The following LRPPRC variants were observed in gnomAD, a reference collection of about 807,000 sequenced individuals.
LRPPRC encodes leucine rich pentatricopeptide repeat containing.
In LRPPRC, 120 loss-of-function variants were observed where a neutral mutation model predicts 180.3. The ratio of observed to expected loss-of-function variants is 0.67; its 90% CI spans 0.57 to 0.77. The LOEUF (loss-of-function observed/expected upper bound fraction) is 0.77, where lower values mean the gene tolerates loss of function less well. LRPPRC is among the 30% of genes least tolerant of loss of function. The pLI is 0.00. For missense variants in LRPPRC, 2,012 were observed against 1,657.2 expected (o/e 1.21, Z -3.72); for synonymous variants, 723 against 600.0 (o/e 1.21, Z -3.00).
intron 1 of LRPPRC, among the ~76,000 whole-genome samples, chr2:43,987,278 G>A (rs189375642): frequency 6.6e-6 from 1 of 151,880 alleles, no homozygotes; most frequent in Non-Finnish European, 1.5e-5. Context: ...GGCAGATCAC[G>A]AGGTCAGGAG....
upstream of LRPPRC, among the ~76,000 whole-genome samples, chr2:43,996,189 CG>C (rs1220496564): frequency 6.6e-6 from 1 of 152,172 alleles, no homozygotes; most frequent in Non-Finnish European, 1.5e-5. Flanking sequence ...TTCCGTCTTC[CG>C]TCTCCGATCT....
In LRPPRC at chr2:43,946,144, C is replaced by T. The variant is rs2105082493; in HGVS notation, c.2179G>A (p.Val727Ile). The T allele has an allele frequency of 6.2e-7, 1 of 1,612,644 alleles. No homozygotes were observed. The highest frequency in any genetic ancestry group is 8.5e-7 in the Non-Finnish European group (1 of 1,178,852). The change falls in exon 21 of 38, where the codon GTA becomes ATA. Residue 727 changes from valine (V) to isoleucine (I), a missense_variant. Physicochemically the swap from Val to Ile is conservative, Grantham distance 29 (BLOSUM62 3). Transcript: ENST00000260665. Reference protein sequence around the residue: ...LINLCCRHDKVEDALNLKEEF... With the variant: ...LINLCCRHDKIEDALNLKEEF... ...TCTTTCAAGTTCAAGGCATCTTCTA[C>T]TTTATCATGTCGACAGCATAAATTT...
chr2:43,992,072 T>C (rs907285835), intron 1 of LRPPRC, among the ~76,000 whole-genome samples: 3 of 152,084 alleles, frequency 2.0e-5, no homozygotes, highest in Admixed American at 6.5e-5. Flanking sequence ...CTCCAGAGTG[T>C]TGGTGAGTGC....
At chr2:43,890,146 G>A (rs1476812669) in intron 36 of LRPPRC, 2 of 482,328 alleles carry the variant, frequency 4.1e-6, no homozygotes, top group East Asian at 4.4e-5. Context: ...CATTCACTTA[G>A]GTTATTACAT....
At chr2:43,977,353 AAC>A in intron 3 of LRPPRC, 77 bp from the exon 4 acceptor site, 2 of 1,145,340 alleles carry the variant, frequency 1.7e-6, no homozygotes, top group Non-Finnish European at 2.6e-6. Flanking sequence ...AAATTTAACA[AAC>A]AAAAAGAGTA....
chr2:43,981,198 G>GA (rs1382550284), intron 2 of LRPPRC, among the ~76,000 whole-genome samples: 2 of 152,068 alleles, frequency 1.3e-5, no homozygotes, highest in Non-Finnish European at 2.9e-5. Context: ...GTAGCTAATT[G>GA]AAAATGAAAG....
At chr2:43,972,992 AT>A (rs1233711085) in intron 11 of LRPPRC, among the ~76,000 whole-genome samples, 1 of 152,238 alleles carries the variant, frequency 6.6e-6, no homozygotes, top group Non-Finnish European at 1.5e-5. Context: ...CTAAAATTTA[AT>A]ATTTGTTCAA....
chr2:43,901,267 G>A, intron 32 of LRPPRC, 53 bp downstream of exon 32: 3 of 1,433,996 alleles, frequency 2.1e-6, no homozygotes, highest in Non-Finnish European at 2.9e-6. Context: ...GGTATCTGAG[G>A]CAATGCCCAT....
At chr2:43,994,482 C>G (rs1674930873) in intron 1 of LRPPRC, among the ~76,000 whole-genome samples, 2 of 152,174 alleles carry the variant, frequency 1.3e-5, no homozygotes, top group South Asian at 4.1e-4. Context: ...ATTCCTAACA[C>G]TACTACTACT....
rs757492368 is a variant in LRPPRC, at chr2:43,982,458, A to G, written c.150-24T>C. On this transcript the variant is annotated intron_variant, in intron 1 of 37. Transcript: ENST00000260665. ...CTCTAAAAAATGAAACATAATTAAT[A>G]ATAATCAGTTGCTATCTATTTAGGT... 14 of 1,553,350 alleles carry G rather than the reference A, an allele frequency of 9.0e-6. No homozygotes were observed. In the East Asian group the frequency reaches 3.1e-4, roughly 35 times the overall value.
chr2:43,948,228 A>T (rs769839412), intron 17 of LRPPRC, 29 bp from the exon 18 acceptor site: 4 of 1,272,748 alleles, frequency 3.1e-6, no homozygotes, highest in Admixed American at 1.7e-5. Context: ...GGGGGGAAAA[A>T]ACCTGAGTTT....
At chr2:43,975,769 GACCGGGTTTC>G (rs1283406118) in intron 6 of LRPPRC, among the ~76,000 whole-genome samples, 1 of 151,944 alleles carries the variant, frequency 6.6e-6, no homozygotes, top group Non-Finnish European at 1.5e-5. Flanking sequence ...TTTTTGTAGA[GACCGGGTTTC>G]ACCATGTTGG....
chr2:43,925,503 T>C (rs985072053), intron 26 of LRPPRC, among the ~76,000 whole-genome samples: 3 of 152,164 alleles, frequency 2.0e-5, no homozygotes, highest in Non-Finnish European at 2.9e-5. Context: ...CTCCAAACTT[T>C]ACACTCTTCT....
intron 30 of LRPPRC, among the ~76,000 whole-genome samples, chr2:43,907,638 A>G (rs1341564707): frequency 6.6e-6 from 1 of 152,220 alleles, no homozygotes; most frequent in Non-Finnish European, 1.5e-5. Flanking sequence ...TTAAGCAGTC[A>G]CATATGACTA....
chr2:43,914,705 G>C (rs1228951796), intron 29 of LRPPRC, among the ~76,000 whole-genome samples: 1 of 151,830 alleles, frequency 6.6e-6, no homozygotes, highest in Non-Finnish European at 1.5e-5. Flanking sequence ...CTCCATCCTG[G>C]GTGATAGAGC....
chr2:43,938,062 T>C (rs572374717), intron 23 of LRPPRC, among the ~76,000 whole-genome samples: 4 of 152,238 alleles, frequency 2.6e-5, no homozygotes, highest in African/African-American at 7.2e-5. Flanking sequence ...TATCAGCATA[T>C]ATGCATAATT....
intron 27 of LRPPRC, among the ~76,000 whole-genome samples, chr2:43,923,186 A>AG (rs1241489899): frequency 6.6e-6 from 1 of 151,146 alleles, no homozygotes; most frequent in Non-Finnish European, 1.5e-5. Context: ...TTAAAAAAAA[A>AG]AAAAAAAAAA....
At chr2:43,915,541 G>A (rs557127487) in intron 29 of LRPPRC, among the ~76,000 whole-genome samples, 10 of 151,818 alleles carry the variant, frequency 6.6e-5, no homozygotes, top group East Asian at 2.0e-4. Context: ...AAAACTAGCC[G>A]GGCGTGGTGG....
At chr2:43,940,810 T>C (rs1672451238) in intron 23 of LRPPRC, among the ~76,000 whole-genome samples, 1 of 152,216 alleles carries the variant, frequency 6.6e-6, no homozygotes, top group South Asian at 2.1e-4. Context: ...TCTTTTAACC[T>C]ATTTTAAAGC....
Sources: allele counts gnomAD v4.1 joint callset (sites outside exome capture counted in the v4.1 genomes callset), GRCh38; gene constraint gnomAD v4.1.1; transcripts MANE v1.5; gene names NCBI Gene and HGNC (gene_info 2026-07-23, HGNC 2026-07-21).